RIMS2: variants seen among roughly 807,000 people sequenced by gnomAD.
RIMS2 encodes regulating synaptic membrane exocytosis 2.
In RIMS2, 59 loss-of-function variants were observed where a neutral mutation model predicts 174.4. The observed-to-expected ratio is 0.34, with a 90% CI of 0.27 to 0.42. The LOEUF is 0.42. Ranked by LOEUF, RIMS2 falls within the 10% of genes least tolerant of loss-of-function variation. RIMS2 has a pLI of 1.00. For missense variants in RIMS2, 1,620 were observed against 1,666.3 expected (o/e 0.97, Z 0.48); for synonymous variants, 606 against 572.5 (o/e 1.06, Z -0.84).
In RIMS2 at chr8:103,961,160, T is replaced by C. The variant is rs1252442857; in HGVS notation, c.2770+27T>C. ...TAAGAATTTTAGAATTATTTTATAG[T>C]ATTAAAAAGGGAGTGCAATTCATCA... On this transcript the variant is annotated intron_variant, in intron 15 of 23. Coordinates refer to ENST00000504942, the Ensembl canonical transcript of RIMS2. The C allele has an allele frequency of 3.1e-6, 3 of 974,536 alleles. No individual in the cohort carries two copies. The African/African-American group carries it at 4.8e-5, about 16-fold the overall frequency. The allele number at this position is 974,536 out of a possible 1,614,324, so 60.4% of individuals were successfully genotyped here.
chr8:103,693,237 C>A (rs1250777005), intron 1 of RIMS2, among the ~76,000 whole-genome samples: 1 of 152,170 alleles, frequency 6.6e-6, no homozygotes, highest in Non-Finnish European at 1.5e-5. Flanking sequence ...TCTTCCTGCA[C>A]CCTGTGGCTG....
chr8:104,183,284 C>A (rs1295806724), intron 19 of RIMS2, among the ~76,000 whole-genome samples: 1 of 151,702 alleles, frequency 6.6e-6, no homozygotes, highest in East Asian at 1.9e-4. Context: ...ATTTGCAATT[C>A]AACTATAGCA....
chr8:103,509,778 A>G (rs917442816), intron 1 of RIMS2, among the ~76,000 whole-genome samples: 1 of 152,106 alleles, frequency 6.6e-6, no homozygotes, highest in Non-Finnish European at 1.5e-5. Context: ...GGTAACCTAC[A>G]AAATTGAAGA....
chr8:104,235,777 A>G (rs923518517), intron 19 of RIMS2, among the ~76,000 whole-genome samples: 2 of 152,106 alleles, frequency 1.3e-5, no homozygotes, highest in East Asian at 3.9e-4. Context: ...CTTTTAGCAT[A>G]CATCTCAAAT....
chr8:104,094,745 T>G (rs2130433778), intron 19 of RIMS2: 1 of 657,010 alleles, frequency 1.5e-6, no homozygotes, highest in East Asian at 2.7e-5. Flanking sequence ...ATATGTTATT[T>G]GTAGGCATTT....
intron 19 of RIMS2, among the ~76,000 whole-genome samples, chr8:104,055,625 C>A (rs2096855698): frequency 6.6e-6 from 1 of 151,926 alleles, no homozygotes. Flanking sequence ...CTTGTTTTTT[C>A]AAAGATACAG....
intron 4 of RIMS2, chr8:103,909,990 C>A (rs1001869181): frequency 5.1e-6 from 2 of 395,970 alleles, no homozygotes; most frequent in African/African-American, 4.3e-5. Context: ...ATAGCACTCA[C>A]TATATATATA....
At chr8:104,097,715 G>T (rs960735706) in intron 19 of RIMS2, among the ~76,000 whole-genome samples, 1 of 152,084 alleles carries the variant, frequency 6.6e-6, no homozygotes, top group South Asian at 2.1e-4. Context: ...TTTGGATTTT[G>T]GAGCAGTTAG....
intron 3 of RIMS2, among the ~76,000 whole-genome samples, chr8:103,851,701 CA>C: frequency 6.8e-6 from 1 of 147,232 alleles, no homozygotes; most frequent in East Asian, 2.0e-4. Flanking sequence ...ACAGGCAACT[CA>C]AAAGTTTAAG....
chr8:103,714,199 T>G (rs1421145536), intron 2 of RIMS2, among the ~76,000 whole-genome samples: 1 of 152,158 alleles, frequency 6.6e-6, no homozygotes, highest in Admixed American at 6.6e-5. Context: ...AGTGAATTAA[T>G]GGAACAAAGA....
chr8:103,527,956 G>A (rs1437187830), intron 1 of RIMS2, among the ~76,000 whole-genome samples: 1 of 152,194 alleles, frequency 6.6e-6, no homozygotes, highest in African/African-American at 2.4e-5. Context: ...GATCCTTGAG[G>A]AATCACCACA....
At chr8:103,934,703 T>G (rs1166421203) in intron 12 of RIMS2, among the ~76,000 whole-genome samples, 1 of 151,602 alleles carries the variant, frequency 6.6e-6, no homozygotes. Flanking sequence ...ACCATTCTTT[T>G]TTTTTTTTTT....
At chr8:104,223,170 G>A (rs1025133197) in intron 19 of RIMS2, among the ~76,000 whole-genome samples, 1 of 152,138 alleles carries the variant, frequency 6.6e-6, no homozygotes, top group South Asian at 2.1e-4. Context: ...GGAGGGAAGA[G>A]GAAACAGCAG....
At chr8:103,740,658 A>T (rs1307934567) in intron 2 of RIMS2, among the ~76,000 whole-genome samples, 1 of 152,214 alleles carries the variant, frequency 6.6e-6, no homozygotes, top group Non-Finnish European at 1.5e-5. Context: ...TATTTTTAAG[A>T]TGACATCTAA....
At chr8:104,135,819 G>T (rs1355222717) in intron 19 of RIMS2, among the ~76,000 whole-genome samples, 3 of 152,000 alleles carry the variant, frequency 2.0e-5, no homozygotes, top group East Asian at 3.9e-4. Context: ...GGAAGGGGCT[G>T]ATACTTGGAG....
At chr8:103,918,519 A>G (rs1484926957) in intron 9 of RIMS2, 32 bp downstream of exon 12, 3 of 1,468,424 alleles carry the variant, frequency 2.0e-6, no homozygotes, top group Non-Finnish European at 2.9e-6. Context: ...AGAAAACGTT[A>G]TTTATAATTG....
At chr8:103,586,947 C>G (rs1295720226) in intron 1 of RIMS2, among the ~76,000 whole-genome samples, 1 of 152,016 alleles carries the variant, frequency 6.6e-6, no homozygotes, top group Non-Finnish European at 1.5e-5. Flanking sequence ...TTAGTGGTTA[C>G]TATGAGCTAC....
At position 103,572,677 on chromosome 8, in the gene RIMS2, A is replaced by G. The variant is rs377472233; in HGVS notation, c.176+71615A>G. ...TAGTGATGATGAACATTTTTTTCATATGTTTGTTGTCCACTTGTATGTCTT... is the reference window on the plus strand; with the variant it reads ...TAGTGATGATGAACATTTTTTTCATGTGTTTGTTGTCCACTTGTATGTCTT... On this transcript the variant is annotated intron_variant, in intron 1 of 23. Coordinates refer to ENST00000504942, the Ensembl canonical transcript of RIMS2. Among the ~76,000 whole-genome samples, 19 of 151,238 alleles carry G rather than the reference A, an allele frequency of 1.3e-4. No homozygotes were observed. The East Asian group carries it at 3.1e-3, about 25-fold the overall frequency.
intron 19 of RIMS2, among the ~76,000 whole-genome samples, chr8:104,150,275 T>G (rs1363719027): frequency 6.6e-6 from 1 of 152,210 alleles, no homozygotes; most frequent in East Asian, 1.9e-4. Flanking sequence ...TATATGAAAC[T>G]AAATAATTAA....
Sources: gnomAD v4.1 joint callset for allele counts (sites outside exome capture counted in the v4.1 genomes callset) on GRCh38, gnomAD v4.1.1 for gene constraint, MANE v1.5 for transcripts, NCBI Gene and HGNC (gene_info 2026-07-23, HGNC 2026-07-21) for gene names.